The following PARD3B variants were observed in gnomAD, a reference collection of about 807,000 sequenced individuals.
The protein encoded by PARD3B is par-3 family cell polarity regulator beta, also known as partitioning defective 3 homolog B.
PARD3B carries 103 observed loss-of-function variants against 130.2 expected under a neutral mutation model. The observed-to-expected ratio is 0.79, with a 90% CI of 0.67 to 0.93. PARD3B has a LOEUF of 0.93. Among genes scored for constraint, PARD3B ranks in the 40% least tolerant of loss-of-function variants. PARD3B has a pLI of 0.00. For synonymous variants in PARD3B, 583 were observed against 553.2 expected (o/e 1.05, Z -0.76); for missense variants, 1,609 against 1,499.2 (o/e 1.07, Z -1.21).
At chr2:204,572,196 G>A (rs2032041755) in intron 1 of PARD3B, among the ~76,000 whole-genome samples, 1 of 152,168 alleles carries the variant, frequency 6.6e-6, no homozygotes, top group Admixed American at 6.5e-5. Context: ...CACTTTTCTT[G>A]ACTGGAGATG....
chr2:204,710,709 G>A (rs1421370394), intron 2 of PARD3B, among the ~76,000 whole-genome samples: 1 of 152,188 alleles, frequency 6.6e-6, no homozygotes, highest in Admixed American at 6.5e-5. Flanking sequence ...CATTAGAAGA[G>A]TCTAGGAAAC....
chr2:205,014,631 A>G lies in PARD3B; in HGVS notation c.395-32950A>G, dbSNP rs1277453983. Among the ~76,000 whole-genome samples, 2 of 152,338 alleles carry G rather than the reference A, an allele frequency of 1.3e-5. 1 individual carries two copies. The highest frequency in any genetic ancestry group is 4.1e-4 in the South Asian group (2 of 4,826). Reference sequence around the variant, plus strand: ...GATTAAGAAAATAACTTATTCAACAAGTATTTATTGAGCATCTCTTCTGTG... The same window carrying G: ...GATTAAGAAAATAACTTATTCAACAGGTATTTATTGAGCATCTCTTCTGTG... On this transcript the variant is annotated intron_variant, in intron 3 of 22. Transcript: ENST00000406610.
intron 18 of PARD3B, among the ~76,000 whole-genome samples, chr2:205,393,076 C>A (rs2045912845): frequency 6.6e-6 from 1 of 152,226 alleles, no homozygotes; most frequent in Non-Finnish European, 1.5e-5. Context: ...CTTCGTGACA[C>A]AAATTTTAGA....
At chr2:204,968,662 C>T (rs893054022) in intron 3 of PARD3B, among the ~76,000 whole-genome samples, 1 of 152,248 alleles carries the variant, frequency 6.6e-6, no homozygotes, top group Non-Finnish European at 1.5e-5. Context: ...ATAGTGAACT[C>T]ATATGCACCT....
chr2:204,996,422 G>A (rs1451525486), intron 3 of PARD3B, among the ~76,000 whole-genome samples: 1 of 152,308 alleles, frequency 6.6e-6, no homozygotes, highest in African/African-American at 2.4e-5. Context: ...CCCACTTGAG[G>A]AGGCAGTGTG....
chr2:205,189,571 C>T (rs2036281165), intron 14 of PARD3B, among the ~76,000 whole-genome samples: 1 of 152,186 alleles, frequency 6.6e-6, no homozygotes, highest in Non-Finnish European at 1.5e-5. Flanking sequence ...TGAGCACATG[C>T]TAACTCCCTT....
intron 21 of PARD3B, among the ~76,000 whole-genome samples, chr2:205,512,908 C>G (rs1461368020): frequency 6.6e-6 from 1 of 151,734 alleles, no homozygotes; most frequent in Non-Finnish European, 1.5e-5. Context: ...CCCATGATCA[C>G]TAATTGGCAG....
intron 2 of PARD3B, among the ~76,000 whole-genome samples, chr2:204,793,172 TTTTCTC>T (rs1338193661): frequency 6.6e-6 from 1 of 152,180 alleles, no homozygotes; most frequent in Non-Finnish European, 1.5e-5. Context: ...GTATTCCACT[TTTTCTC>T]TTTTTTTTCC....
intron 11 of PARD3B, among the ~76,000 whole-genome samples, chr2:205,169,144 A>C (rs1395415069): frequency 2.6e-5 from 4 of 152,228 alleles, no homozygotes; most frequent in Non-Finnish European, 1.5e-5. Context: ...TGGCATCGCC[A>C]TTAATGAAAT....
chr2:204,676,040 C>G (rs2036519918), intron 1 of PARD3B, among the ~76,000 whole-genome samples: 1 of 147,424 alleles, frequency 6.8e-6, no homozygotes, highest in African/African-American at 2.5e-5. Context: ...TCGGTGGTCT[C>G]TGAGCCAATG....
intron 12 of PARD3B, among the ~76,000 whole-genome samples, chr2:205,174,184 A>T (rs531106443): frequency 6.6e-6 from 1 of 151,976 alleles, no homozygotes; most frequent in African/African-American, 2.4e-5. Context: ...TAATTCTCAC[A>T]CTCTGGGTAG....
chr2:205,207,498 T>G (rs1414054243), intron 15 of PARD3B, among the ~76,000 whole-genome samples: 1 of 144,146 alleles, frequency 6.9e-6, no homozygotes, highest in Non-Finnish European at 1.5e-5. Context: ...AAAAGAGAGA[T>G]GAATCAAATA....
chr2:205,513,068 C>T (rs539188602), intron 21 of PARD3B, among the ~76,000 whole-genome samples: 1 of 151,106 alleles, frequency 6.6e-6, no homozygotes, highest in Non-Finnish European at 1.5e-5. Context: ...ATTTCAATTG[C>T]CAGGCGTGCT....
At chr2:205,374,986 G>A (rs1212128574) in intron 18 of PARD3B, among the ~76,000 whole-genome samples, 1 of 152,130 alleles carries the variant, frequency 6.6e-6, no homozygotes, top group East Asian at 1.9e-4. Context: ...TTAATGATAT[G>A]TAAAATTTTA....
intron 18 of PARD3B, among the ~76,000 whole-genome samples, chr2:205,355,697 T>TA (rs1436558080): frequency 1.3e-5 from 2 of 152,090 alleles, no homozygotes; most frequent in Non-Finnish European, 2.9e-5. Flanking sequence ...CATACTGCTA[T>TA]AAAAAAACTG....
chr2:205,534,055 C>CAAAAAAA (rs71410823), intron 21 of PARD3B, among the ~76,000 whole-genome samples: 9 of 129,418 alleles, frequency 7.0e-5, no homozygotes, highest in African/African-American at 2.4e-4. Flanking sequence ...GTGAAAAAGC[C>CAAAAAAA]AAAAAAAAAA....
In PARD3B at chr2:205,616,504, G is replaced by A. The variant is rs2055441170; in HGVS notation, c.*691G>A. Reference sequence around the variant, plus strand: ...TTGATATGAAAGTCGGTAAAATGCAGTATTAGTCCCGGGAGGATGTGCACA... The same window carrying A: ...TTGATATGAAAGTCGGTAAAATGCAATATTAGTCCCGGGAGGATGTGCACA... On this transcript the variant is annotated 3_prime_UTR_variant, in exon 23 of 23. Coordinates refer to ENST00000406610, the MANE Select transcript of PARD3B (RefSeq NM_001302769.2). 1.3e-5 allele frequency: 2 copies of A among 152,266 alleles called. No homozygotes were observed. The highest frequency in any genetic ancestry group is 4.8e-5 in the African/African-American group (2 of 41,432). 9.4% of individuals were successfully genotyped at this position (152,266 alleles called of 1,614,324 possible). A position where few individuals can be genotyped will look rare whatever the true frequency, so the allele number is the denominator to read the frequency against.
rs1689080984 is a variant in PARD3B at position 204,943,540 on chromosome 2, A to G, written c.223-21612A>G. On this transcript the variant is annotated intron_variant, in intron 2 of 22. Transcript: ENST00000406610. The surrounding 1 kb of genome is among the most constrained non-coding windows in gnomAD (Gnocchi z 4.2). ...GTGTGCCAGGTTTGAGGATCCTGCA[A>G]ATTGCTCGTAATGGAGGTAAATGGC... is the stretch of plus-strand genomic sequence containing the variant. 6.6e-6 allele frequency among the ~76,000 whole-genome samples: 1 copy of G among 152,160 alleles called. No individual in the cohort carries two copies. The highest frequency in any genetic ancestry group is 1.9e-4 in the East Asian group (1 of 5,186).
chr2:205,096,444 A>G (rs2125552562), intron 4 of PARD3B, among the ~76,000 whole-genome samples: 1 of 152,294 alleles, frequency 6.6e-6, no homozygotes. Flanking sequence ...TCTCTTGCAG[A>G]CACACCAGAT....
Sources: gnomAD v4.1 joint callset for allele counts (sites outside exome capture counted in the v4.1 genomes callset) on GRCh38, gnomAD v4.1.1 for gene constraint, Gnocchi (gnomAD v3.1) non-coding constraint, MANE v1.5 for transcripts, NCBI Gene and HGNC (gene_info 2026-07-23, HGNC 2026-07-21) for gene names.